The following DLC1 variants were observed in gnomAD, a reference collection of about 807,000 sequenced individuals.
The protein encoded by DLC1 is DLC1 Rho GTPase activating protein.
A neutral mutation model predicts 140.3 loss-of-function variants in DLC1; 54 were observed. The observed-to-expected ratio is 0.38, with a 90% CI of 0.31 to 0.48. DLC1 has a LOEUF of 0.48. DLC1 is among the 20% of genes least tolerant of loss of function. The pLI is 0.96. For missense variants in DLC1, 2,536 were observed against 1,907.0 expected (o/e 1.33, Z -6.14); for synonymous variants, 986 against 728.1 (o/e 1.35, Z -5.70).
intron 5 of DLC1, among the ~76,000 whole-genome samples, chr8:13,297,160 A>G (rs1178168996): frequency 6.6e-6 from 1 of 151,028 alleles, no homozygotes; most frequent in Non-Finnish European, 1.5e-5. Context: ...AGCCCAGTCA[A>G]CCACAGCCAA....
Position 13,499,913 on chromosome 8 carries a change from G to T in DLC1, c.159C>A (p.Asp53Glu). ...GTAGTGAAACACACTTCTCTTTGCG[G>T]TCCACATTTAGAGTTGCATCTTTTT... ...SMEKDATLNV[D>E]RKEKCVSLPD... The change falls in exon 2 of 18, where the codon GAC becomes GAA. Residue 53 changes from aspartate (D) to glutamate (E), a missense_variant. Physicochemically the swap from Asp to Glu is conservative, Grantham distance 45 (BLOSUM62 2). Transcript: ENST00000276297. 6.2e-7 allele frequency: 1 copy of T among 1,614,020 alleles called. No homozygotes were observed. The highest frequency in any genetic ancestry group is 8.5e-7 in the Non-Finnish European group (1 of 1,179,974).
In DLC1 at chr8:13,424,467, C is replaced by T. The variant is rs148204682; in HGVS notation, c.1024-22848G>A. Among the ~76,000 whole-genome samples, 245 of 151,982 alleles carry T rather than the reference C, an allele frequency of 1.6e-3. 1 individual carries two copies. The highest frequency in any genetic ancestry group is 5.6e-3 in the African/African-American group (231 of 41,462). ...TCACGCCACTTCACTCCAGCCTGGG[C>T]GACAGAGAGAGACTCTGTCTCAAAA... On this transcript the variant is annotated intron_variant, in intron 2 of 17. Transcript: ENST00000276297.
intron 4 of DLC1, among the ~76,000 whole-genome samples, chr8:13,377,820 G>T (rs1170536918): frequency 6.6e-6 from 1 of 151,900 alleles, no homozygotes; most frequent in East Asian, 1.9e-4. Context: ...AGGGAAATTT[G>T]TGTAAATCTA....
chr8:13,095,960 C>G (rs1042656213), intron 10 of DLC1: 1 of 152,190 alleles, frequency 6.6e-6, no homozygotes, highest in East Asian at 1.9e-4. Flanking sequence ...GGAAAAGGAA[C>G]AATGGGGGTT....
At chr8:13,404,829 C>T (rs778436576) in intron 2 of DLC1, among the ~76,000 whole-genome samples, 1 of 152,006 alleles carries the variant, frequency 6.6e-6, no homozygotes, top group Non-Finnish European at 1.5e-5. Flanking sequence ...GAAACCCCAT[C>T]TCTGCTAAAA....
chr8:13,228,300 A>G (rs115919601), intron 5 of DLC1, among the ~76,000 whole-genome samples: 2,422 of 152,236 alleles, frequency 0.016, 60 homozygotes, highest in African/African-American at 0.055. Flanking sequence ...CATAAAAAAA[A>G]AAAAAGGAAA....
rs1256964784 is a variant in DLC1, at chr8:13,496,805, TTTTTTTTTTTTTTG to T, written c.1023+2230_1023+2243del. Among the ~76,000 whole-genome samples, 5 of 125,922 alleles carry T rather than the reference TTTTTTTTTTTTTTG, an allele frequency of 4.0e-5. 1 individual carries two copies. Among genetic ancestry groups the T allele is most frequent in the African/African-American group, 6.2e-5 (2 of 32,288 alleles). 82.6% of individuals were successfully genotyped at this position (125,922 alleles called of 152,430 possible). Reference sequence around the variant, plus strand: ...CATTTCCTTTTTTTTTTTTTTTTTTTTTTTTTTTTTTTTGAGATGGAGTTTCGCTGTGTCACCCA... The same window carrying T: ...CATTTCCTTTTTTTTTTTTTTTTTTTAGATGGAGTTTCGCTGTGTCACCCA... On this transcript the variant is annotated intron_variant, in intron 2 of 17. Coordinates refer to ENST00000276297, the MANE Select transcript of DLC1 (RefSeq NM_182643.3).
intron 2 of DLC1, among the ~76,000 whole-genome samples, chr8:13,474,845 C>T (rs1351327932): frequency 6.6e-6 from 1 of 152,216 alleles, no homozygotes; most frequent in Non-Finnish European, 1.5e-5. Context: ...TGCCTGAATC[C>T]TCATTGTATC....
At chr8:13,566,735 G>C (rs942881987) in intron 1 of DLC1, 1 of 478,712 alleles carries the variant, frequency 2.1e-6, no homozygotes, top group Non-Finnish European at 3.7e-6. Context: ...GGGCAAAATC[G>C]CCAACCCGGC....
At position 13,552,111 on chromosome 8, in the gene DLC1, GTATATATATATATA is replaced by G. The variant is rs3066465; in HGVS notation, c.-125-51929_-125-51916del. On this transcript the variant is annotated intron_variant, in intron 1 of 1. Transcript: ENST00000631382. ...TATATGTATGTACCTGTCTAGAGGT[GTATATATATATATA>G]TATATATATATATATATCTGTCTAG... 8.4e-4 allele frequency among the ~76,000 whole-genome samples: 46 copies of G among 54,530 alleles called. 2 individuals carry two copies. The highest frequency in any genetic ancestry group is 6.9e-3 in the South Asian group (10 of 1,450). The allele number at this position is 54,530 out of a possible 152,430, so 35.8% of individuals were successfully genotyped here.
chr8:13,216,574 T>C (rs1283173113), intron 5 of DLC1, among the ~76,000 whole-genome samples: 1 of 152,170 alleles, frequency 6.6e-6, no homozygotes, highest in Non-Finnish European at 1.5e-5. Flanking sequence ...ATAGTCTGCC[T>C]AAGGGTCCTT....
intron 16 of DLC1, among the ~76,000 whole-genome samples, chr8:13,087,400 C>T (rs1455409063): frequency 6.6e-6 from 1 of 152,200 alleles, no homozygotes; most frequent in Non-Finnish European, 1.5e-5. Flanking sequence ...AACCATGTCC[C>T]CAAATCAATC....
intron 5 of DLC1, among the ~76,000 whole-genome samples, chr8:13,217,804 C>T (rs771440368): frequency 3.3e-4 from 50 of 151,636 alleles, no homozygotes; most frequent in Non-Finnish European, 2.1e-4. Context: ...CGCCACTGCA[C>T]GCCGGCCTGA....
chr8:13,601,018 A>G (rs1410559839), intron 1 of DLC1, among the ~76,000 whole-genome samples: 1 of 151,666 alleles, frequency 6.6e-6, no homozygotes, highest in Non-Finnish European at 1.5e-5. Flanking sequence ...ATTTATTTTG[A>G]GTCTCATAAA....
In DLC1 at chr8:13,099,205, C is replaced by A. The variant is rs1013633154; in HGVS notation, c.2990+142G>T. On this transcript the variant is annotated intron_variant, in intron 9 of 17. Transcript: ENST00000276297. ...CTATCGATTTCTTTGAATTTTGGTG[C>A]TTCCTGGTTTGACACCTTCCTTAGG... 12 of 1,443,760 alleles carry A rather than the reference C, an allele frequency of 8.3e-6. No individual in the cohort carries two copies. The African/African-American group carries it at 1.4e-4, about 17-fold the overall frequency. 89.4% of individuals were successfully genotyped at this position (1,443,760 alleles called of 1,614,324 possible).
chr8:13,124,181 G>A (rs1821359308), intron 5 of DLC1, among the ~76,000 whole-genome samples: 1 of 152,194 alleles, frequency 6.6e-6, no homozygotes, highest in Non-Finnish European at 1.5e-5. Context: ...GTAGGAAGAG[G>A]AATGTGATAT....
intron 1 of DLC1, among the ~76,000 whole-genome samples, chr8:13,556,669 G>A (rs577638086): frequency 3.5e-4 from 53 of 152,250 alleles, no homozygotes; most frequent in African/African-American, 1.1e-3. Flanking sequence ...TAGGCTGGGC[G>A]CCTGACAGGA....
intron 2 of DLC1, among the ~76,000 whole-genome samples, chr8:13,413,256 A>ATTTTTTTTTTCTTTTTTTTTTTTTTTT (rs1837876248): frequency 1.2e-5 from 1 of 82,006 alleles, no homozygotes. Context: ...TTTTTTTGCG[A>ATTTTTTTTTTCTTTTTTTTTTTTTTTT]TTTTTTTTTT....
chr8:13,132,611 C>A (rs1358785583), intron 5 of DLC1, among the ~76,000 whole-genome samples: 3 of 152,146 alleles, frequency 2.0e-5, no homozygotes, highest in African/African-American at 4.8e-5. Context: ...GAGCCAGAGC[C>A]GCGAGCCCCC....
Sources: allele counts gnomAD v4.1 joint callset (sites outside exome capture counted in the v4.1 genomes callset), GRCh38; gene constraint gnomAD v4.1.1; transcripts MANE v1.5; gene names NCBI Gene and HGNC (gene_info 2026-07-23, HGNC 2026-07-21).